Variants in ELF2 observed in about 807,000 individuals in gnomAD.
The protein encoded by ELF2 is ETS-related transcription factor Elf-2.
A neutral mutation model predicts 54.8 loss-of-function variants in ELF2; 11 were observed. The ratio of observed to expected loss-of-function variants is 0.20; its 90% confidence interval spans 0.13 to 0.33. The LOEUF (loss-of-function observed/expected upper bound fraction) is 0.33. Among genes scored for constraint, ELF2 ranks in the 10% least tolerant of loss-of-function variants. The pLI, the probability that ELF2 is intolerant of heterozygous loss-of-function variation, is 1.00. For missense variants in ELF2, 513 were observed against 703.0 expected (o/e 0.73, Z 3.06); for synonymous variants, 203 against 245.1 (o/e 0.83, Z 1.61).
chr4:139,062,741 A>G (rs1349595382), intron 7 of ELF2, among the ~76,000 whole-genome samples: 1 of 152,258 alleles, frequency 6.6e-6, no homozygotes, highest in Non-Finnish European at 1.5e-5. Flanking sequence ...AAAGGGACTT[A>G]GTAATTTTAT....
chr4:139,146,920 G>A (rs1238279263), intron 1 of ELF2, among the ~76,000 whole-genome samples: 1 of 152,022 alleles, frequency 6.6e-6, no homozygotes, highest in Non-Finnish European at 1.5e-5. Flanking sequence ...AACCATAAAA[G>A]TCCTAGAAGA....
At position 139,059,502 on chromosome 4, in the gene ELF2, G is replaced by A; in HGVS notation, c.1263C>T (p.Thr421=). ...AGGTCGCTGTTGTTGGACTAGTGCT[G>A]GTTATTAATGGTGCACCTGCATTAA... is the stretch of plus-strand genomic sequence containing the variant. The part of the protein sequence containing the change: ...QSVNAGAPLI[T]STSPTTATSP... The change falls in exon 10 of 10, where the codon ACC becomes ACT. Residue 421 remains threonine (T), a synonymous_variant. Transcript: ENST00000686138. The A allele has an allele frequency of 3.7e-6, 6 of 1,613,874 alleles. No individual in the cohort carries two copies. The highest frequency in any genetic ancestry group is 5.1e-6 in the Non-Finnish European group (6 of 1,179,840).
At chr4:139,152,828 T>TTATATA (rs143443085) in intron 1 of ELF2, among the ~76,000 whole-genome samples, 1 of 148,610 alleles carries the variant, frequency 6.7e-6, no homozygotes, top group Admixed American at 6.7e-5. Context: ...AACAGGAATT[T>TTATATA]TATATATATA....
rs112938261 is a variant in ELF2, at chr4:139,062,821, G to T, written c.614-764C>A. Among the ~76,000 whole-genome samples the T allele has an allele frequency of 2.8e-3, 423 of 152,262 alleles. 4 individuals are homozygous for T. The highest frequency in any genetic ancestry group is 9.7e-3 in the African/African-American group (403 of 41,556). ...CATCAGACCTAGGGTCTTTTTGTAA[G>T]AAACTTACTTTTCTTTGATTCACCT... On this transcript the variant is annotated intron_variant, in intron 7 of 9. Coordinates refer to ENST00000686138, the MANE Select transcript of ELF2 (RefSeq NM_001331036.3).
At chr4:139,099,766 T>C (rs1343112591) in intron 4 of ELF2, among the ~76,000 whole-genome samples, 2 of 152,208 alleles carry the variant, frequency 1.3e-5, no homozygotes, top group African/African-American at 4.8e-5. Context: ...TGGTGGGAAC[T>C]GAATGCATGA....
At chr4:139,166,989 A>C (rs1201626592) in intron 1 of ELF2, among the ~76,000 whole-genome samples, 2 of 152,354 alleles carry the variant, frequency 1.3e-5, no homozygotes, top group African/African-American at 2.4e-5. Flanking sequence ...TTTTTCTCTT[A>C]AAGTATCAAT....
intron 4 of ELF2, among the ~76,000 whole-genome samples, chr4:139,081,692 T>G (rs1331744025): frequency 1.3e-5 from 2 of 152,190 alleles, no homozygotes; most frequent in Non-Finnish European, 2.9e-5. Flanking sequence ...ACCAATGCTA[T>G]TGAAAATTGG....
rs537461819 is a variant in ELF2, at chr4:139,151,015, C to A, written c.-251-11518G>T. ...CTCCAGCTTAGGTGACGGAACGAGG[C>A]TCCATCTCAAAAAAAAAAAAGAAAG... is the stretch of plus-strand genomic sequence containing the variant. On this transcript the variant is annotated intron_variant, in intron 1 of 9. Transcript: ENST00000686138. Among the ~76,000 whole-genome samples, 5 of 93,390 alleles carry A rather than the reference C, an allele frequency of 5.4e-5. No homozygotes were observed. In the East Asian group the frequency reaches 1.3e-3, roughly 24 times the overall value. The allele number at this position is 93,390 out of a possible 152,430, so 61.3% of individuals were successfully genotyped here. A position where few individuals can be genotyped will look rare whatever the true frequency, so the allele number is the denominator to read the frequency against.
chr4:139,170,533 A>T (rs956276413), intron 1 of ELF2, among the ~76,000 whole-genome samples: 1 of 151,368 alleles, frequency 6.6e-6, no homozygotes, highest in Non-Finnish European at 1.5e-5. Context: ...AAGTGCTGGG[A>T]TTACAGGTGT....
intron 4 of ELF2, among the ~76,000 whole-genome samples, chr4:139,094,970 C>T (rs1237446247): frequency 6.6e-6 from 1 of 152,002 alleles, no homozygotes; most frequent in Non-Finnish European, 1.5e-5. Flanking sequence ...GATGAAACTT[C>T]TTAACAATGT....
At chr4:139,060,195 GCAC>G in intron 9 of ELF2, 126 bp downstream of exon 9, 1 of 802,798 alleles carries the variant, frequency 1.2e-6, no homozygotes, top group Non-Finnish European at 1.9e-6. Context: ...AAAACATCAA[GCAC>G]TTTTCAAAGT....
chr4:139,154,660 G>T (rs1481100542), intron 1 of ELF2, among the ~76,000 whole-genome samples: 1 of 151,776 alleles, frequency 6.6e-6, no homozygotes, highest in African/African-American at 2.4e-5. Flanking sequence ...ACACTAAAAT[G>T]GTTATGTTGA....
chr4:139,138,200 C>T (rs947620103), intron 2 of ELF2, among the ~76,000 whole-genome samples: 1 of 152,172 alleles, frequency 6.6e-6, no homozygotes, highest in Non-Finnish European at 1.5e-5. Context: ...AGGCGGATCA[C>T]GAGGTCAAGA....
chr4:139,086,776 A>C (rs896487623), intron 4 of ELF2, among the ~76,000 whole-genome samples: 1 of 152,228 alleles, frequency 6.6e-6, no homozygotes, highest in Admixed American at 6.5e-5. Flanking sequence ...GAAATTAAAT[A>C]ATAGGGTGTA....
rs1291263060 is a variant in ELF2 at position 139,080,235 on chromosome 4, T to C, written c.239-6668A>G. ...TGTAACTCAGTTTTTACATGAATTT[T>C]AGTACCAATGCTGCAATGAATTGTG... On this transcript the variant is annotated intron_variant, in intron 4 of 9. Coordinates refer to ENST00000686138, the MANE Select transcript of ELF2 (RefSeq NM_001331036.3). Among the ~76,000 whole-genome samples, 3 of 152,222 alleles carry C rather than the reference T, an allele frequency of 2.0e-5. No individual in the cohort carries two copies. The East Asian group carries it at 5.8e-4, about 29-fold the overall frequency.
chr4:139,139,850 T>TA (rs2148865034), intron 1 of ELF2, among the ~76,000 whole-genome samples: 1 of 152,216 alleles, frequency 6.6e-6, no homozygotes, highest in African/African-American at 2.4e-5. Flanking sequence ...GCTACAGGTA[T>TA]AACCCCTGCT....
chr4:139,173,866 T>C (rs186741926), intron 1 of ELF2, among the ~76,000 whole-genome samples: 16 of 150,670 alleles, frequency 1.1e-4, no homozygotes, highest in South Asian at 2.1e-4. Flanking sequence ...AGAGAGAGGA[T>C]TGCTCAAGCC....
chr4:139,171,014 G>A (rs1183000388), intron 1 of ELF2, among the ~76,000 whole-genome samples: 1 of 151,974 alleles, frequency 6.6e-6, no homozygotes. Flanking sequence ...CCAAAGTGCT[G>A]GGGTTACAGG....
intron 4 of ELF2, among the ~76,000 whole-genome samples, chr4:139,095,523 A>G (rs1187948992): frequency 6.6e-6 from 1 of 152,116 alleles, no homozygotes; most frequent in Admixed American, 6.6e-5. Flanking sequence ...TCAGGTTCCA[A>G]TCCAGATTAA....
Sources: gnomAD v4.1 joint callset for allele counts (sites outside exome capture counted in the v4.1 genomes callset) on GRCh38, gnomAD v4.1.1 for gene constraint, MANE v1.5 for transcripts, NCBI Gene and HGNC (gene_info 2026-07-23, HGNC 2026-07-21) for gene names.